AMER1: variants seen among roughly 807,000 people sequenced by gnomAD.
AMER1 encodes the protein APC membrane recruitment protein 1.
A neutral mutation model predicts 53.0 loss-of-function variants in AMER1; 16 were observed. The observed-to-expected ratio is 0.30, with a 90% confidence interval of 0.20 to 0.46. The LOEUF (loss-of-function observed/expected upper bound fraction) is 0.46, where lower values mean the gene tolerates loss of function less well. AMER1 is among the 20% of genes least tolerant of loss of function. The probability of loss-of-function intolerance (pLI) is 1.00; values close to 1 mark genes in which losing one functional copy is unlikely to be tolerated. For missense variants in AMER1, 947 were observed against 884.9 expected (o/e 1.07, Z -0.89); for synonymous variants, 354 against 331.9 (o/e 1.07, Z -0.73).
At position 64,205,359 on chromosome X, in the gene AMER1, C is replaced by A. The variant is rs1424382527; in HGVS notation, c.-99+211G>T. Among the ~76,000 whole-genome samples the A allele has an allele frequency of 2.8e-5, 3 of 107,738 alleles. No individual in the cohort carries two copies. In the East Asian group the frequency reaches 9.0e-4, roughly 32 times the overall value. 93.6% of individuals were successfully genotyped at this position (107,738 alleles called of 115,157 possible). On this transcript the variant is annotated intron_variant, in intron 1 of 1. Coordinates refer to ENST00000374869, the MANE Select transcript of AMER1 (RefSeq NM_152424.4). Reference sequence around the variant, plus strand: ...CCCGCCCTCCCCAACCCCCCTCCCCCCAGCCGTGGTCGCTTGTGCCCAGGG... The same window carrying A: ...CCCGCCCTCCCCAACCCCCCTCCCCACAGCCGTGGTCGCTTGTGCCCAGGG...
chrX:64,191,798 G>A lies in AMER1; in HGVS notation c.1489C>T (p.Arg497Ter), dbSNP rs1930251154. The A allele has an allele frequency of 8.3e-7, 1 of 1,211,651 alleles. No homozygotes were observed. Among genetic ancestry groups the A allele is most frequent in the Non-Finnish European group, 1.1e-6 (1 of 895,449 alleles). ...AGGGCATCTCCACTGTAGCTGTCTCGGGGTAGACAATCCCTGCGGACAAGC... is the reference window on the plus strand; with the variant it reads ...AGGGCATCTCCACTGTAGCTGTCTCAGGGTAGACAATCCCTGCGGACAAGC... ...LGLVRRDCLP[R>*]DSYSGDALYE... The change falls in exon 2 of 2, where the codon CGA becomes TGA. Residue 497 changes from arginine (R) to a stop codon, truncating the protein, a stop_gained. Coordinates refer to ENST00000374869, the MANE Select transcript of AMER1 (RefSeq NM_152424.4). LOFTEE classifies it high-confidence loss of function.
chrX:64,185,947 C>T lies in AMER1; in HGVS notation c.*3932G>A. 2.3e-6 allele frequency: 1 copy of T among 430,446 alleles called. No individual in the cohort carries two copies. Among genetic ancestry groups the T allele is most frequent in the Non-Finnish European group, 3.8e-6 (1 of 262,242 alleles). 35.5% of individuals were successfully genotyped at this position (430,446 alleles called of 1,213,427 possible). ...TTCCCAAAATGCTCCTTTGGAGAAA[C>T]TCAACAAGACAAATAGCACAACATG... is the stretch of plus-strand genomic sequence containing the variant. On this transcript the variant is annotated 3_prime_UTR_variant, in exon 2 of 2. Coordinates refer to ENST00000374869, the MANE Select transcript of AMER1 (RefSeq NM_152424.4).
rs1930188702 is a variant in AMER1, at chrX:64,189,532, A to ATG, written c.*346_*347insCA. ...TGTGTGTGTATATATATATATATATATATATATATATATATATATATATAT... is the reference window on the plus strand; with the variant it reads ...TGTGTGTGTATATATATATATATATATGTATATATATATATATATATATATAT... On this transcript the variant is annotated 3_prime_UTR_variant, in exon 2 of 2. Transcript: ENST00000374869. The ATG allele has an allele frequency of 1.0e-5, 1 of 95,475 alleles. No homozygotes were observed. The highest frequency in any genetic ancestry group is 1.4e-5 in the Non-Finnish European group (1 of 69,057). 7.9% of individuals were successfully genotyped at this position (95,475 alleles called of 1,213,427 possible). A position where few individuals can be genotyped will look rare whatever the true frequency, so the allele number is the denominator to read the frequency against.
Position 64,189,793 on chromosome X carries a change from A to ACGGGGGGGCCCCCCCCCCCCC in AMER1, c.*85_*86insGGGGGGGGGGGGGCCCCCCCG. On this transcript the variant is annotated 3_prime_UTR_variant, in exon 2 of 2. Coordinates refer to ENST00000374869, the MANE Select transcript of AMER1 (RefSeq NM_152424.4). ...CAAAGGGTTTTCAAGTTAAACAACA[A>ACGGGGGGGCCCCCCCCCCCCC]CCCCCACCCCCCCACCCTTCTGCCC... 3.4e-6 allele frequency: 1 copy of ACGGGGGGGCCCCCCCCCCCCC among 292,074 alleles called. No homozygotes were observed. Among genetic ancestry groups the ACGGGGGGGCCCCCCCCCCCCC allele is most frequent in the Non-Finnish European group, 4.9e-6 (1 of 204,832 alleles). 24.1% of individuals were successfully genotyped at this position (292,074 alleles called of 1,213,427 possible).
In AMER1 at chrX:64,189,793, A is replaced by AGGGGGGGGGGGCCCCCCCCCCCCCCCCCC; in HGVS notation, c.*85_*86insGGGGGGGGGGGGGGGGGGCCCCCCCCCCC. 3.4e-6 allele frequency: 1 copy of AGGGGGGGGGGGCCCCCCCCCCCCCCCCCC among 292,074 alleles called. No homozygotes were observed. Among genetic ancestry groups the AGGGGGGGGGGGCCCCCCCCCCCCCCCCCC allele is most frequent in the Non-Finnish European group, 4.9e-6 (1 of 204,832 alleles). 24.1% of individuals were successfully genotyped at this position (292,074 alleles called of 1,213,427 possible). ...CAAAGGGTTTTCAAGTTAAACAACA[A>AGGGGGGGGGGGCCCCCCCCCCCCCCCCCC]CCCCCACCCCCCCACCCTTCTGCCC... On this transcript the variant is annotated 3_prime_UTR_variant, in exon 2 of 2. Coordinates refer to ENST00000374869, the MANE Select transcript of AMER1 (RefSeq NM_152424.4).
At chrX:64,198,755 C>G (rs1048664648) in intron 1 of AMER1, among the ~76,000 whole-genome samples, 2 of 111,317 alleles carry the variant, frequency 1.8e-5, no homozygotes, top group African/African-American at 3.3e-5. Flanking sequence ...TAGGGGCCAA[C>G]AACCCAGCCT....
Position 64,189,793 on chromosome X carries a change from A to ACCCCCCCCCCCCCCCCCCTCTTCCCCAC in AMER1, c.*85_*86insGTGGGGAAGAGGGGGGGGGGGGGGGGGG. ...CAAAGGGTTTTCAAGTTAAACAACAACCCCCACCCCCCCACCCTTCTGCCC... is the reference window on the plus strand; with the variant it reads ...CAAAGGGTTTTCAAGTTAAACAACAACCCCCCCCCCCCCCCCCCTCTTCCCCACCCCCCACCCCCCCACCCTTCTGCCC... On this transcript the variant is annotated 3_prime_UTR_variant, in exon 2 of 2. Coordinates refer to ENST00000374869, the MANE Select transcript of AMER1 (RefSeq NM_152424.4). 3.4e-6 allele frequency: 1 copy of ACCCCCCCCCCCCCCCCCCTCTTCCCCAC among 292,074 alleles called. No individual in the cohort carries two copies. The highest frequency in any genetic ancestry group is 4.9e-6 in the Non-Finnish European group (1 of 204,832). 24.1% of individuals were successfully genotyped at this position (292,074 alleles called of 1,213,427 possible).
rs1024945321 is a variant in AMER1, at chrX:64,186,373, ATT to A, written c.*3504_*3505del. On this transcript the variant is annotated 3_prime_UTR_variant, in exon 2 of 2. Transcript: ENST00000374869. ...AATCAGAAAAGAACAATTGATAAAC[ATT>A]GTTTTCCATGAATATAAAATGCAAA... The A allele has an allele frequency of 5.1e-4, 454 of 895,548 alleles. 1 individual carries two copies. Among genetic ancestry groups the A allele is most frequent in the Non-Finnish European group, 6.1e-4 (437 of 720,460 alleles). 73.8% of individuals were successfully genotyped at this position (895,548 alleles called of 1,213,427 possible). A position where few individuals can be genotyped will look rare whatever the true frequency, so the allele number is the denominator to read the frequency against.
At chrX:64,193,471 C>G in intron 1 of AMER1, 87 bp from the exon 2 acceptor site, 2 of 585,670 alleles carry the variant, frequency 3.4e-6, no homozygotes, top group Non-Finnish European at 5.4e-6. Flanking sequence ...GGACGTCAGG[C>G]TTGAGTGGAA....
chrX:64,192,464 C>T lies in AMER1; in HGVS notation c.823G>A (p.Ala275Thr), dbSNP rs958633014. The T allele has an allele frequency of 8.3e-7, 1 of 1,203,067 alleles. No individual in the cohort carries two copies. Among genetic ancestry groups the T allele is most frequent in the African/African-American group, 1.7e-5 (1 of 57,323 alleles). Reference sequence around the variant, plus strand: ...TCCTCTAGGCTACTGGCTTCAGGGGCAGGCTTGGGTTGCACATGTGCTGAG... The same window carrying T: ...TCCTCTAGGCTACTGGCTTCAGGGGTAGGCTTGGGTTGCACATGTGCTGAG... ...CASAHVQPKP[A>T]PEASSLEEPH... The change falls in exon 2 of 2, where the codon GCC becomes ACC. Residue 275 changes from alanine to threonine, a missense_variant. Ala to Thr is a moderately conservative substitution (Grantham distance 58, BLOSUM62 0). Transcript: ENST00000374869.
chrX:64,189,799 A>ACCCCCCCCCCCCCCC lies in AMER1; in HGVS notation c.*79_*80insGGGGGGGGGGGGGGG. On this transcript the variant is annotated 3_prime_UTR_variant, in exon 2 of 2. Coordinates refer to ENST00000374869, the MANE Select transcript of AMER1 (RefSeq NM_152424.4). ...GTTTTCAAGTTAAACAACAACCCCCACCCCCCCACCCTTCTGCCCAACCCC... is the reference window on the plus strand; with the variant it reads ...GTTTTCAAGTTAAACAACAACCCCCACCCCCCCCCCCCCCCCCCCCCCACCCTTCTGCCCAACCCC... 1 of 125,104 alleles carries ACCCCCCCCCCCCCCC rather than the reference A, an allele frequency of 8.0e-6. No homozygotes were observed. The highest frequency in any genetic ancestry group is 7.0e-5 in the South Asian group (1 of 14,320). The allele number at this position is 125,104 out of a possible 1,213,427, so 10.3% of individuals were successfully genotyped here.
Position 64,204,378 on chromosome X carries a change from G to A in AMER1, c.-99+1192C>T, listed in dbSNP as rs760760684. Among the ~76,000 whole-genome samples the A allele has an allele frequency of 1.6e-4, 18 of 114,098 alleles. No individual in the cohort carries two copies. The East Asian group carries it at 5.0e-3, about 32-fold the overall frequency. ...TGGCCAAACGGAGACCAGCTCTGCG[G>A]GGCCAGTCCAGCTGCCGCCTAGGCG... On this transcript the variant is annotated intron_variant, in intron 1 of 1. Coordinates refer to ENST00000374869, the MANE Select transcript of AMER1 (RefSeq NM_152424.4).
chrX:64,191,486 G>C lies in AMER1; in HGVS notation c.1801C>G (p.Arg601Gly), dbSNP rs2147087402. 8.3e-7 allele frequency: 1 copy of C among 1,211,746 alleles called. No homozygotes were observed. Among genetic ancestry groups the C allele is most frequent in the South Asian group, 1.8e-5 (1 of 56,966 alleles). The change falls in exon 2 of 2, where the codon CGA (arginine) becomes GGA (glycine). Residue 601 changes from arginine to glycine, a missense_variant. By Grantham distance (125) the Arg-to-Gly change is moderately radical. Transcript: ENST00000374869. ...TAGGCTTCCCTGCCATAAGCCTCTC[G>C]AGTATAGGCCTCCCTGGCGTGGGCC... ...REAHAREAYT[R>G]EAYGREAYAR...
At position 64,189,793 on chromosome X, in the gene AMER1, A is replaced by AGGGGGGGGCG; in HGVS notation, c.*85_*86insCGCCCCCCCC. 1 of 292,065 alleles carries AGGGGGGGGCG rather than the reference A, an allele frequency of 3.4e-6. No individual in the cohort carries two copies. The highest frequency in any genetic ancestry group is 4.9e-6 in the Non-Finnish European group (1 of 204,825). The allele number at this position is 292,065 out of a possible 1,213,427, so 24.1% of individuals were successfully genotyped here. A position where few individuals can be genotyped will look rare whatever the true frequency, so the allele number is the denominator to read the frequency against. ...CAAAGGGTTTTCAAGTTAAACAACA[A>AGGGGGGGGCG]CCCCCACCCCCCCACCCTTCTGCCC... is the stretch of plus-strand genomic sequence containing the variant. On this transcript the variant is annotated 3_prime_UTR_variant, in exon 2 of 2. Transcript: ENST00000374869.
At chrX:64,194,078 C>A (rs901029025) in intron 1 of AMER1, among the ~76,000 whole-genome samples, 1 of 112,001 alleles carries the variant, frequency 8.9e-6, no homozygotes, top group African/African-American at 3.2e-5. Flanking sequence ...GAAAGGTACT[C>A]TCTGGGCTTC....
At position 64,190,914 on chromosome X, in the gene AMER1, G is replaced by A. The variant is rs200450146; in HGVS notation, c.2373C>T (p.Asp791=). Residue 791 remains aspartate (D), a synonymous_variant, in exon 2 of 2, where the codon GAC becomes GAT. Coordinates refer to ENST00000374869, the MANE Select transcript of AMER1 (RefSeq NM_152424.4). ...NLFSSMSCSS[D]SDSSFTQNLP... ...GGTTTTGAGTGAAAGATGAGTCAGAGTCAGAGCTGCAGGACATGCTGGAAA... is the reference window on the plus strand; with the variant it reads ...GGTTTTGAGTGAAAGATGAGTCAGAATCAGAGCTGCAGGACATGCTGGAAA... 3.5e-4 allele frequency: 419 copies of A among 1,209,839 alleles called. No individual in the cohort carries two copies. Among genetic ancestry groups the A allele is most frequent in the Middle Eastern group, 9.2e-4 (4 of 4,354 alleles).
intron 1 of AMER1, among the ~76,000 whole-genome samples, chrX:64,194,508 C>T (rs1930326043): frequency 8.9e-6 from 1 of 111,919 alleles, no homozygotes; most frequent in Non-Finnish European, 1.9e-5. Flanking sequence ...CTCTGCACCT[C>T]TGGTCATCCG....
intron 1 of AMER1, among the ~76,000 whole-genome samples, chrX:64,195,822 C>G (rs1372340845): frequency 8.9e-6 from 1 of 112,374 alleles, no homozygotes; most frequent in East Asian, 2.8e-4. Flanking sequence ...GGTGGAGTAT[C>G]ATTCTTTATA....
chrX:64,191,340 C>T lies in AMER1; in HGVS notation c.1947G>A (p.Lys649=), dbSNP rs757875213. ...QVRETQARQE[K]PVLEYQMRPL... ...GCCTCATCTGATACTCTAAGACGGG[C>T]TTCTCCTGCCGGGCCTGGGTCTCTC... The change falls in exon 2 of 2, where the codon AAG becomes AAA. Residue 649 remains lysine (K), a synonymous_variant. Coordinates refer to ENST00000374869, the MANE Select transcript of AMER1 (RefSeq NM_152424.4). 3.3e-6 allele frequency: 4 copies of T among 1,211,765 alleles called. No homozygotes were observed. Among genetic ancestry groups the T allele is most frequent in the Non-Finnish European group, 4.5e-6 (4 of 895,509 alleles).
Sources: allele counts gnomAD v4.1 joint callset (sites outside exome capture counted in the v4.1 genomes callset), GRCh38; gene constraint gnomAD v4.1.1; transcripts MANE v1.5; gene names NCBI Gene and HGNC (gene_info 2026-07-23, HGNC 2026-07-21).